Variants in BEND7 observed in about 807,000 individuals in gnomAD.
The protein encoded by BEND7 is BEN domain containing 7, also known as BEN domain-containing protein 7.
BEND7 carries 28 observed loss-of-function variants against 50.9 expected under a neutral mutation model. The observed-to-expected ratio is 0.55, with a 90% CI of 0.41 to 0.75. BEND7 has a LOEUF of 0.75. Ranked by LOEUF, BEND7 falls within the 30% of genes least tolerant of loss-of-function variation. BEND7 has a pLI of 0.00. For missense variants in BEND7, 477 were observed against 491.3 expected (o/e 0.97, Z 0.28); for synonymous variants, 170 against 183.9 (o/e 0.92, Z 0.61).
intron 2 of BEND7, among the ~76,000 whole-genome samples, chr10:13,504,160 T>G (rs1001901073): frequency 6.6e-6 from 1 of 151,934 alleles, no homozygotes; most frequent in East Asian, 1.9e-4. Flanking sequence ...CTGGGGACAG[T>G]GGGTGCTGGG....
At chr10:13,482,106 C>A (rs1316180768) in intron 5 of BEND7, among the ~76,000 whole-genome samples, 1 of 152,200 alleles carries the variant, frequency 6.6e-6, no homozygotes, top group Non-Finnish European at 1.5e-5. Context: ...ATTTCTTACA[C>A]TGTATTAGAA....
At chr10:13,517,065 CTTTTTT>C (rs5783329) in intron 2 of BEND7, among the ~76,000 whole-genome samples, 3,147 of 126,118 alleles carry the variant, frequency 0.025, 106 homozygotes, top group African/African-American at 0.083. Context: ...TTTCTGGTGG[CTTTTTT>C]TTTTTTTTTT....
intron 1 of BEND7, among the ~76,000 whole-genome samples, chr10:13,528,041 A>G (rs2079542467): frequency 6.6e-6 from 1 of 152,188 alleles, no homozygotes; most frequent in African/African-American, 2.4e-5. Context: ...CTTCTTAAAA[A>G]GAACAACAAC....
chr10:13,497,702 A>G (rs1452143488), intron 3 of BEND7, among the ~76,000 whole-genome samples: 3 of 152,188 alleles, frequency 2.0e-5, no homozygotes, highest in Non-Finnish European at 4.4e-5. Flanking sequence ...GGACATTTGG[A>G]CATTGCTCTT....
chr10:13,441,526 T>C lies in BEND7; in HGVS notation c.*217A>G. On this transcript the variant is annotated 3_prime_UTR_variant, in exon 9 of 9. Transcript: ENST00000466271. ...GCTGTGGCCCCGCCTTGGAAGGCAG[T>C]GCTTCTGAAGGTTCCCAGCAGATCT... The C allele has an allele frequency of 7.2e-7, 1 of 1,385,122 alleles. No individual in the cohort carries two copies. The highest frequency in any genetic ancestry group is 1.8e-5 in the South Asian group (1 of 55,870). The allele number at this position is 1,385,122 out of a possible 1,614,324, so 85.8% of individuals were successfully genotyped here.
chr10:13,481,225 A>G, intron 5 of BEND7, 101 bp from the exon 6 acceptor site: 1 of 1,072,780 alleles, frequency 9.3e-7, no homozygotes, highest in South Asian at 1.6e-5. Context: ...TGAAATGTAC[A>G]TATCCTACAA....
At chr10:13,512,351 G>A (rs1472910335) in intron 2 of BEND7, among the ~76,000 whole-genome samples, 1 of 152,162 alleles carries the variant, frequency 6.6e-6, no homozygotes, top group African/African-American at 2.4e-5. Flanking sequence ...TCAGAAAAGC[G>A]AAATAAAAGT....
Position 13,480,923 on chromosome 10 carries a change from G to T in BEND7, c.1039C>A (p.Gln347Lys), listed in dbSNP as rs1413374145. The stretch of plus-strand genomic sequence containing the variant: ...CCTTTTATTGCACCCACAATATTTT[G>T]GTCTAGTCCTTTCCGGTTGTCATTG... ...GLNDNRKGLD[Q>K]NIVGAIKVFT... Residue 347 changes from glutamine to lysine, a missense_variant, in exon 6 of 9, where the codon CAA becomes AAA. Coordinates refer to ENST00000466271, the MANE Select transcript of BEND7 (RefSeq NM_001369863.1). 6.2e-7 allele frequency: 1 copy of T among 1,614,114 alleles called. No individual in the cohort carries two copies. The highest frequency in any genetic ancestry group is 2.2e-5 in the East Asian group (1 of 44,872).
At chr10:13,441,815 C>T in intron 8 of BEND7, 65 bp from the exon 9 acceptor site, 2 of 1,518,064 alleles carry the variant, frequency 1.3e-6, no homozygotes, top group Non-Finnish European at 1.8e-6. Context: ...TGGAAAAAGG[C>T]TAACAAAAAG....
At chr10:13,523,374 G>T (rs1037349164) in intron 2 of BEND7, among the ~76,000 whole-genome samples, 4 of 152,208 alleles carry the variant, frequency 2.6e-5, no homozygotes, top group South Asian at 2.1e-4. Flanking sequence ...GATACACTAC[G>T]TTCGTTAACA....
Position 13,528,455 on chromosome 10 carries a change from G to A in BEND7, c.61+18C>T. The stretch of plus-strand genomic sequence containing the variant: ...GCGGCGCCCGCTGCCTGCCCCCGCC[G>A]CCCCGGCGGCCGCTTACCTCGGCTC... On this transcript the variant is annotated intron_variant, in intron 1 of 8. Coordinates refer to ENST00000466271, the MANE Select transcript of BEND7 (RefSeq NM_001369863.1). 1.3e-5 allele frequency: 13 copies of A among 1,011,294 alleles called. No homozygotes were observed. The highest frequency in any genetic ancestry group is 1.5e-5 in the Non-Finnish European group (13 of 849,354). 62.6% of individuals were successfully genotyped at this position (1,011,294 alleles called of 1,614,324 possible).
chr10:13,461,088 A>G (rs12762116), intron 6 of BEND7, among the ~76,000 whole-genome samples: 18,874 of 152,230 alleles, frequency 0.12, 1,591 homozygotes, highest in Non-Finnish European at 0.19. Flanking sequence ...TAGCGGGGAA[A>G]GCTTTCAGAT....
chr10:13,506,764 GGA>G (rs60807357), intron 2 of BEND7, among the ~76,000 whole-genome samples: 10 of 150,810 alleles, frequency 6.6e-5, no homozygotes, highest in African/African-American at 1.7e-4. Flanking sequence ...GGAGCGAGAT[GGA>G]GAGAGAGAGA....
intron 6 of BEND7, chr10:13,459,978 C>T (rs1335733559): frequency 1.3e-5 from 2 of 152,232 alleles, no homozygotes; most frequent in African/African-American, 4.8e-5. Flanking sequence ...AGCTTGGCTG[C>T]AAGATGATGC....
At chr10:13,489,087 TA>T (rs990696507) in intron 5 of BEND7, among the ~76,000 whole-genome samples, 2 of 152,218 alleles carry the variant, frequency 1.3e-5, no homozygotes, top group African/African-American at 4.8e-5. Context: ...GGCCTTGTTC[TA>T]AGTGCTCCAC....
At chr10:13,513,298 A>AT (rs2078419449) in intron 2 of BEND7, among the ~76,000 whole-genome samples, 1 of 152,024 alleles carries the variant, frequency 6.6e-6, no homozygotes, top group Middle Eastern at 3.2e-3. Context: ...CTCTTCCTGG[A>AT]TTCACCGTCC....
intron 7 of BEND7, among the ~76,000 whole-genome samples, chr10:13,448,141 C>T (rs1013975571): frequency 6.6e-6 from 1 of 152,184 alleles, no homozygotes; most frequent in African/African-American, 2.4e-5. Context: ...AACCTTCGCT[C>T]GTGTCTGATA....
intron 5 of BEND7, among the ~76,000 whole-genome samples, chr10:13,492,386 C>CT (rs1268096377): frequency 1.3e-5 from 2 of 152,222 alleles, no homozygotes; most frequent in Non-Finnish European, 2.9e-5. Context: ...CGCCATCACC[C>CT]TCCTCCTTTC....
chr10:13,492,451 A>G (rs1358729807), intron 5 of BEND7, among the ~76,000 whole-genome samples, 160 bp downstream of exon 5: 1 of 152,272 alleles, frequency 6.6e-6, no homozygotes, highest in Non-Finnish European at 1.5e-5. Flanking sequence ...TTTTCAGAAA[A>G]GAAAACTCCA....
Sources: allele counts gnomAD v4.1 joint callset (sites outside exome capture counted in the v4.1 genomes callset), GRCh38; gene constraint gnomAD v4.1.1; transcripts MANE v1.5; gene names NCBI Gene and HGNC (gene_info 2026-07-23, HGNC 2026-07-21).